Variants in JAZF1 observed in about 807,000 individuals in gnomAD.
JAZF1 encodes JAZF zinc finger 1.
In JAZF1, 8 loss-of-function variants were observed where a neutral mutation model predicts 26.4. The ratio of observed to expected loss-of-function variants is 0.30; its 90% CI spans 0.18 to 0.55. The LOEUF (loss-of-function observed/expected upper bound fraction) is 0.55, where lower values mean the gene tolerates loss of function less well. Among genes scored for constraint, JAZF1 ranks in the 20% least tolerant of loss-of-function variants. The pLI, the probability that JAZF1 is intolerant of heterozygous loss-of-function variation, is 0.94. For missense variants in JAZF1, 199 were observed against 322.0 expected (o/e 0.62, Z 2.92); for synonymous variants, 126 against 122.3 (o/e 1.03, Z -0.20).
intron 1 of JAZF1, among the ~76,000 whole-genome samples, chr7:28,085,237 T>A (rs112006365): frequency 7.5e-4 from 114 of 152,334 alleles, no homozygotes; most frequent in Non-Finnish European, 1.2e-3. Context: ...GATTTTTATG[T>A]GGCTAACAGG....
chr7:28,093,089 T>A (rs1254435826), intron 1 of JAZF1, among the ~76,000 whole-genome samples: 1 of 152,204 alleles, frequency 6.6e-6, no homozygotes, highest in African/African-American at 2.4e-5. Context: ...AATACTTCAG[T>A]GTGACTTATC....
intron 2 of JAZF1, among the ~76,000 whole-genome samples, chr7:27,987,581 C>T (rs1382083032): frequency 1.2e-4 from 18 of 151,168 alleles, no homozygotes; most frequent in African/African-American, 2.9e-4. Context: ...GGGCAGCCCC[C>T]GCCCGGCCAG....
intron 1 of JAZF1, among the ~76,000 whole-genome samples, chr7:28,149,409 A>G (rs1373342185): frequency 6.6e-6 from 1 of 152,160 alleles, no homozygotes; most frequent in Non-Finnish European, 1.5e-5. Flanking sequence ...GAAGATCAAA[A>G]TGTAAACAGG....
intron 1 of JAZF1, among the ~76,000 whole-genome samples, chr7:28,109,294 A>G (rs1454889501): frequency 6.6e-6 from 1 of 152,216 alleles, no homozygotes; most frequent in African/African-American, 2.4e-5. Context: ...CACAATGTCG[A>G]CATATATCAA....
At chr7:27,919,113 T>C (rs1784488011) in intron 2 of JAZF1, among the ~76,000 whole-genome samples, 1 of 152,204 alleles carries the variant, frequency 6.6e-6, no homozygotes, top group Admixed American at 6.5e-5. Context: ...CAGGTCCTAG[T>C]AATGGGCAAC....
In JAZF1 at chr7:28,167,994, A is replaced by T. The variant is rs544895880; in HGVS notation, c.115+12469T>A. ...GCTTCATTAAAGCACATGGCCTGTC[A>T]TCAATGGCTCTTATTAAACACAGTG... On this transcript the variant is annotated intron_variant, in intron 1 of 4. Transcript: ENST00000283928. 1.3e-3 allele frequency among the ~76,000 whole-genome samples: 199 copies of T among 152,320 alleles called. 2 individuals carry two copies. The South Asian group carries it at 0.022, about 17-fold the overall frequency.
At chr7:27,910,468 C>T (rs776331675) in intron 2 of JAZF1, among the ~76,000 whole-genome samples, 1 of 152,200 alleles carries the variant, frequency 6.6e-6, no homozygotes, top group Non-Finnish European at 1.5e-5. Context: ...TTACAAGGAG[C>T]AGCCTTCATT....
intron 1 of JAZF1, among the ~76,000 whole-genome samples, chr7:28,152,770 G>C (rs564016161): frequency 3.3e-5 from 5 of 152,272 alleles, no homozygotes; most frequent in African/African-American, 1.2e-4. Context: ...ATTCAGCTAG[G>C]TCTATTGACA....
chr7:27,851,785 C>G (rs17620013), intron 3 of JAZF1, among the ~76,000 whole-genome samples: 2,347 of 152,296 alleles, frequency 0.015, 30 homozygotes, highest in Middle Eastern at 0.027. Flanking sequence ...TTCTAAAGAG[C>G]TGAATTATTT....
At chr7:27,859,636 A>C (rs1323662434) in intron 3 of JAZF1, among the ~76,000 whole-genome samples, 2 of 151,794 alleles carry the variant, frequency 1.3e-5, no homozygotes, top group African/African-American at 4.8e-5. Flanking sequence ...ACCAAACACC[A>C]CATGTTCTCA....
chr7:28,153,485 A>C (rs1343320149), intron 1 of JAZF1, among the ~76,000 whole-genome samples: 1 of 152,214 alleles, frequency 6.6e-6, no homozygotes, highest in African/African-American at 2.4e-5. Flanking sequence ...GACCAAAACA[A>C]AACCAAACAA....
chr7:28,143,831 T>C (rs145208531), intron 1 of JAZF1, among the ~76,000 whole-genome samples: 85 of 152,370 alleles, frequency 5.6e-4, no homozygotes, highest in Admixed American at 3.0e-3. Flanking sequence ...CCTCCTTATA[T>C]ACCGTAAGCC....
At chr7:28,134,795 T>C (rs1437588611) in intron 1 of JAZF1, among the ~76,000 whole-genome samples, 4 of 152,214 alleles carry the variant, frequency 2.6e-5, no homozygotes, top group Non-Finnish European at 4.4e-5. Context: ...TCCTACAGTA[T>C]ACTGTTTTAC....
At chr7:28,002,434 GT>G (rs1039374411) in intron 1 of JAZF1, among the ~76,000 whole-genome samples, 2 of 152,130 alleles carry the variant, frequency 1.3e-5, no homozygotes, top group Non-Finnish European at 2.9e-5. Flanking sequence ...CACATTTGTT[GT>G]TGCATACAAG....
chr7:28,034,231 A>G (rs1456589401), intron 1 of JAZF1, among the ~76,000 whole-genome samples: 2 of 150,058 alleles, frequency 1.3e-5, no homozygotes, highest in Non-Finnish European at 3.0e-5. Context: ...GTTTAAGTAG[A>G]ACCTTACTTA....
chr7:27,897,025 G>A (rs1213380598), intron 2 of JAZF1, among the ~76,000 whole-genome samples: 3 of 152,068 alleles, frequency 2.0e-5, no homozygotes, highest in Admixed American at 6.5e-5. Flanking sequence ...CTTTCCCTCC[G>A]CCTCATAAAC....
At chr7:27,970,226 C>A (rs1026725937) in intron 2 of JAZF1, among the ~76,000 whole-genome samples, 1 of 152,172 alleles carries the variant, frequency 6.6e-6, no homozygotes, top group African/African-American at 2.4e-5. Context: ...TATAAAAGAT[C>A]TTACAGAAAG....
chr7:27,881,257 C>T (rs1783765580), intron 3 of JAZF1, among the ~76,000 whole-genome samples: 1 of 152,182 alleles, frequency 6.6e-6, no homozygotes, highest in Non-Finnish European at 1.5e-5. Flanking sequence ...TCTAGCCCTT[C>T]AGAACCAACT....
chr7:28,142,872 C>T (rs1782978331), intron 1 of JAZF1, among the ~76,000 whole-genome samples: 1 of 152,188 alleles, frequency 6.6e-6, no homozygotes, highest in South Asian at 2.1e-4. Flanking sequence ...ACGTGCACAA[C>T]CACACCAGAT....
Sources: allele counts gnomAD v4.1 joint callset (sites outside exome capture counted in the v4.1 genomes callset), GRCh38; gene constraint gnomAD v4.1.1; transcripts MANE v1.5; gene names NCBI Gene and HGNC (gene_info 2026-07-23, HGNC 2026-07-21).